The following COL4A6 variants were observed in gnomAD, a reference collection of about 807,000 sequenced individuals.
COL4A6 encodes the protein collagen alpha-6(IV) chain.
In COL4A6, 59 loss-of-function variants were observed where a neutral mutation model predicts 126.7. That is an observed-to-expected ratio of 0.47 (90% CI 0.38 to 0.58). The LOEUF is 0.58. Ranked by LOEUF, COL4A6 falls within the 20% of genes least tolerant of loss-of-function variation. The pLI is 0.00. For missense variants in COL4A6, 1,285 were observed against 1,337.3 expected, an observed-to-expected ratio of 0.96 and a Z score of 0.61; for synonymous variants, 547 against 496.6, an observed-to-expected ratio of 1.10 and a Z score of -1.35.
chrX:108,257,238 G>A, intron 3 of COL4A6, among the ~76,000 whole-genome samples: 1 of 111,884 alleles, frequency 8.9e-6, no homozygotes, highest in Middle Eastern at 4.6e-3. Flanking sequence ...CATTGACATG[G>A]GTGAAATAAT....
intron 2 of COL4A6, among the ~76,000 whole-genome samples, chrX:108,424,216 G>A (rs1569463609): frequency 9.0e-6 from 1 of 111,586 alleles, no homozygotes; most frequent in African/African-American, 3.3e-5. Flanking sequence ...CCTAGAGGAA[G>A]GAGTGCCTTT....
chrX:108,183,843 C>T lies in COL4A6; in HGVS notation c.1952-2875G>A, dbSNP rs754580131. Reference sequence around the variant, plus strand: ...CCTTGGGGCCCAAGGGAAGTCTTCTCAGCAGCCCAGATATGCCCACCAACC... The same window carrying T: ...CCTTGGGGCCCAAGGGAAGTCTTCTTAGCAGCCCAGATATGCCCACCAACC... On this transcript the variant is annotated intron_variant, in intron 23 of 44. Coordinates refer to ENST00000334504, the MANE Select transcript of COL4A6 (RefSeq NM_033641.4). The T allele has an allele frequency of 2.5e-5, 17 of 669,305 alleles. No individual in the cohort carries two copies. In the African/African-American group the frequency reaches 3.4e-4, roughly 13 times the overall value. The allele number at this position is 669,305 out of a possible 1,213,427, so 55.2% of individuals were successfully genotyped here.
intron 2 of COL4A6, among the ~76,000 whole-genome samples, chrX:108,380,663 T>C (rs940837233): frequency 8.9e-6 from 1 of 112,326 alleles, no homozygotes; most frequent in Non-Finnish European, 1.9e-5. Flanking sequence ...GTAAGTTCTC[T>C]GCAACACTGT....
chrX:108,237,865 T>C (rs1304974183), intron 3 of COL4A6, among the ~76,000 whole-genome samples: 1 of 29,511 alleles, frequency 3.4e-5, no homozygotes, highest in East Asian at 9.1e-4. Context: ...CTATCATCTA[T>C]CTATCTATCT....
At chrX:108,263,409 TC>T (rs2037217659) in intron 3 of COL4A6, among the ~76,000 whole-genome samples, 2 of 111,972 alleles carry the variant, frequency 1.8e-5, no homozygotes, top group South Asian at 7.4e-4. Context: ...AAGGTTCTGC[TC>T]AAAGTTCTCA....
chrX:108,293,469 A>C (rs2038230999), intron 3 of COL4A6, among the ~76,000 whole-genome samples: 1 of 111,680 alleles, frequency 9.0e-6, no homozygotes, highest in South Asian at 3.8e-4. Context: ...GCCCATGCTT[A>C]GAATGGATTT....
At chrX:108,292,211 T>C (rs1303544231) in intron 3 of COL4A6, among the ~76,000 whole-genome samples, 1 of 112,160 alleles carries the variant, frequency 8.9e-6, no homozygotes, top group Non-Finnish European at 1.9e-5. Context: ...GCATTTACAG[T>C]TAAAAAGTAG....
intron 2 of COL4A6, among the ~76,000 whole-genome samples, chrX:108,378,577 G>C (rs1353892005): frequency 8.9e-6 from 1 of 112,425 alleles, no homozygotes; most frequent in African/African-American, 3.2e-5. Flanking sequence ...AGCTTCACTT[G>C]ACGTTAGATG....
Position 108,170,698 on chromosome X carries a change from C to T in COL4A6, c.3404G>A (p.Gly1135Asp), listed in dbSNP as rs753668059. Reference sequence around the variant, plus strand: ...TGGAAGTCCTGGTTCTCCTCTCATGCCGGCAACTCCTGGAAATCCTAAATG... The same window carrying T: ...TGGAAGTCCTGGTTCTCCTCTCATGTCGGCAACTCCTGGAAATCCTAAATG... The part of the protein sequence containing the change: ...PGAPGFPGVA[G>D]MRGEPGLPGS... Residue 1135 changes from glycine to aspartate, a missense_variant, in exon 35 of 45, where the codon GGC becomes GAC. Coordinates refer to ENST00000334504, the MANE Select transcript of COL4A6 (RefSeq NM_033641.4). 8.3e-7 allele frequency: 1 copy of T among 1,206,136 alleles called. No individual in the cohort carries two copies. Among genetic ancestry groups the T allele is most frequent in the Non-Finnish European group, 1.1e-6 (1 of 892,995 alleles).
chrX:108,179,311 A>G lies in COL4A6; in HGVS notation c.2259T>C (p.Phe753=), dbSNP rs1413531561. The change falls in exon 26 of 45, where the codon TTT becomes TTC. Residue 753 remains phenylalanine (F), a synonymous_variant. Coordinates refer to ENST00000334504, the MANE Select transcript of COL4A6 (RefSeq NM_033641.4). ...CCCCCGGAGCACCATTTTCAGCACC[A>G]AAGATGTCACCAGTGGCTCCCTTGG... is the stretch of plus-strand genomic sequence containing the variant. The part of the protein sequence containing the change: ...PGSKGATGDI[F]GAENGAPGEQ... 1 of 1,209,574 alleles carries G rather than the reference A, an allele frequency of 8.3e-7. No homozygotes were observed. Among genetic ancestry groups the G allele is most frequent in the Non-Finnish European group, 1.1e-6 (1 of 895,083 alleles).
intron 3 of COL4A6, among the ~76,000 whole-genome samples, chrX:108,285,548 C>T (rs1035246261): frequency 2.7e-5 from 3 of 111,471 alleles, no homozygotes; most frequent in Non-Finnish European, 5.6e-5. Flanking sequence ...GCCTGACTTC[C>T]TGCAGATTTT....
chrX:108,170,753 C>A, intron 34 of COL4A6, 37 bp from the exon 35 acceptor site: 1 of 1,201,783 alleles, frequency 8.3e-7, no homozygotes, highest in South Asian at 1.8e-5. Context: ...CAGAATGGGG[C>A]ATGGCTTGAA....
chrX:108,195,275 C>CTTTTT, intron 14 of COL4A6, 149 bp from the exon 15 acceptor site: 1 of 285,369 alleles, frequency 3.5e-6, no homozygotes, highest in Non-Finnish European at 6.2e-6. Context: ...AGCTTAACGA[C>CTTTTT]TTTTTTTTTT....
At chrX:108,257,190 A>G (rs2037031111) in intron 3 of COL4A6, among the ~76,000 whole-genome samples, 1 of 112,018 alleles carries the variant, frequency 8.9e-6, no homozygotes, top group Non-Finnish European at 1.9e-5. Flanking sequence ...TTGAGGAAAG[A>G]GATGGTTGAT....
rs1478222696 is a variant in COL4A6 at position 108,437,926 on chromosome X, G to A, written c.63+16C>T. 1.7e-6 allele frequency: 2 copies of A among 1,210,387 alleles called. No individual in the cohort carries two copies. The highest frequency in any genetic ancestry group is 4.4e-5 in the Admixed American group (2 of 45,976). ...CAAAGGAGGGGGACGGAAAAGGGTC[G>A]TGAGAAGAGACTCACCGCTGCTGCC... is the stretch of plus-strand genomic sequence containing the variant. On this transcript the variant is annotated intron_variant, in intron 2 of 44. Transcript: ENST00000334504.
At chrX:108,278,787 G>A (rs867988951) in intron 3 of COL4A6, among the ~76,000 whole-genome samples, 74 of 109,615 alleles carry the variant, frequency 6.8e-4, no homozygotes, top group African/African-American at 2.2e-3. Context: ...GACTAACAGC[G>A]GATCTCTCGG....
At chrX:108,436,101 C>T (rs945644722) in intron 2 of COL4A6, among the ~76,000 whole-genome samples, 8 of 111,548 alleles carry the variant, frequency 7.2e-5, no homozygotes, top group Admixed American at 6.7e-4. Context: ...TGTCATTTTC[C>T]CCAAAACTGA....
intron 2 of COL4A6, among the ~76,000 whole-genome samples, chrX:108,406,592 C>T (rs1329900464): frequency 1.8e-5 from 2 of 112,154 alleles, no homozygotes; most frequent in Non-Finnish European, 3.8e-5. Flanking sequence ...ACACACCATG[C>T]TGGTTCTTGC....
chrX:108,179,413 C>A lies in COL4A6; in HGVS notation c.2157G>T (p.Lys719Asn). The A allele has an allele frequency of 8.3e-7, 1 of 1,207,231 alleles. No individual in the cohort carries two copies. Among genetic ancestry groups the A allele is most frequent in the Non-Finnish European group, 1.1e-6 (1 of 893,158 alleles). ...GGAGCCCAGGAAACCCAGGCAAGCCCTTCTCCCCACGAGGTCCAGGAAATC... is the reference window on the plus strand; with the variant it reads ...GGAGCCCAGGAAACCCAGGCAAGCCATTCTCCCCACGAGGTCCAGGAAATC... ...LPGFPGPRGEKGLPGFPGLPG... is the reference protein window; with the variant it reads ...LPGFPGPRGENGLPGFPGLPG... The change falls in exon 26 of 45, where the codon AAG becomes AAT. Residue 719 changes from lysine to asparagine, a missense_variant. Transcript: ENST00000334504.
Sources: allele counts gnomAD v4.1 joint callset (sites outside exome capture counted in the v4.1 genomes callset), GRCh38; gene constraint gnomAD v4.1.1; transcripts MANE v1.5; gene names NCBI Gene and HGNC (gene_info 2026-07-23, HGNC 2026-07-21).